Variants in OR14J1 observed in about 807,000 individuals in gnomAD.
OR14J1 encodes the protein olfactory receptor 14J1.
For synonymous variants in OR14J1, 140 were observed against 146.7 expected (o/e 0.95, Z 0.33); for missense variants, 378 against 393.4 (o/e 0.96, Z 0.33).
rs565154606 is a variant in OR14J1, at chr6:29,306,468, G to C, written c.-28-194G>C. On this transcript the variant is annotated intron_variant, in intron 1 of 1. Coordinates refer to ENST00000641895, the MANE Select transcript of OR14J1 (RefSeq NM_030946.2). ...AAACTCTGCTCCAGAAAATGTTTAT[G>C]ACTTGTTGATCACATTCAGGGATTC... Among the ~76,000 whole-genome samples the C allele has an allele frequency of 5.9e-3, 906 of 152,298 alleles. 4 individuals carry two copies. The highest frequency in any genetic ancestry group is 0.015 in the African/African-American group (611 of 41,570).
chr6:29,303,026 C>T (rs768449316), intron 1 of OR14J1, among the ~76,000 whole-genome samples: 3 of 140,168 alleles, frequency 2.1e-5, no homozygotes, highest in Non-Finnish European at 4.7e-5. Context: ...GAGATGAGTC[C>T]TTATGGGAAA....
In OR14J1 at chr6:29,306,938, A is replaced by G; in HGVS notation, c.249A>G (p.Ser83=). 6.2e-7 allele frequency: 1 copy of G among 1,613,002 alleles called. No individual in the cohort carries two copies. The highest frequency in any genetic ancestry group is 1.1e-5 in the South Asian group (1 of 91,078). The stretch of plus-strand genomic sequence containing the variant: ...CAGTCCCCCAGTCCATTGCAAATTC[A>G]CTTATGGGCAACGGTTACATTTCTC... ...SVTVPQSIAN[S]LMGNGYISLV... is the part of the protein sequence containing the mutation. The change falls in exon 2 of 2, where the codon TCA becomes TCG. Residue 83 remains serine, a synonymous_variant. Coordinates refer to ENST00000641895, the MANE Select transcript of OR14J1 (RefSeq NM_030946.2).
Position 29,307,629 on chromosome 6 carries a change from T to G in OR14J1, c.940T>G (p.Cys314Gly). The G allele has an allele frequency of 6.3e-7, 1 of 1,599,866 alleles. No homozygotes were observed. The highest frequency in any genetic ancestry group is 8.5e-7 in the Non-Finnish European group (1 of 1,177,370). The change falls in exon 2 of 2, where the codon TGC (cysteine) becomes GGC (glycine). Residue 314 changes from cysteine (C) to glycine (G), a missense_variant. Physicochemically the swap from Cys to Gly is radical, Grantham distance 159 (BLOSUM62 -3). Coordinates refer to ENST00000641895, the MANE Select transcript of OR14J1 (RefSeq NM_030946.2). ...GGAAGAGCTTCCTCAGAGAAAAATG[T>G]GCTTAAAAGCCATGTTTAAACTCTG... ...SKEELPQRKM[C>G]LKAMFKL is the part of the protein sequence containing the mutation.
intron 1 of OR14J1, among the ~76,000 whole-genome samples, chr6:29,303,198 A>G (rs372422140): frequency 1.3e-5 from 2 of 152,254 alleles, no homozygotes; most frequent in South Asian, 2.1e-4. Context: ...TAAAAGGCAC[A>G]GGAATATTTT....
Position 29,312,198 on chromosome 6 carries a change from T to C in OR14J1, c.*4543T>C, listed in dbSNP as rs1052098563. 8 of 152,260 alleles carry C rather than the reference T, an allele frequency of 5.3e-5. No homozygotes were observed. The highest frequency in any genetic ancestry group is 1.9e-4 in the African/African-American group (8 of 41,444). 9.4% of individuals were successfully genotyped at this position (152,260 alleles called of 1,614,324 possible). The stretch of plus-strand genomic sequence containing the variant: ...TTCTCTAGTTGTTTTAATTGCGATA[T>C]TAGAGTGTCGATTTTAGATCTTTCC... On this transcript the variant is annotated 3_prime_UTR_variant, in exon 2 of 2. Transcript: ENST00000641895.
Position 29,307,046 on chromosome 6 carries a change from C to A in OR14J1, c.357C>A (p.Asp119Glu), listed in dbSNP as rs761681655. 1.2e-6 allele frequency: 2 copies of A among 1,613,054 alleles called. No homozygotes were observed. The highest frequency in any genetic ancestry group is 1.7e-6 in the Non-Finnish European group (2 of 1,180,006). The change falls in exon 2 of 2, where the codon GAC becomes GAA. Residue 119 changes from aspartate to glutamate, a missense_variant. By Grantham distance (45) the Asp-to-Glu change is conservative. Transcript: ENST00000641895. ...EVAILTVMSYDRYAAICQPLH... is the reference protein window; with the variant it reads ...EVAILTVMSYERYAAICQPLH... ...CCATTCTCACAGTGATGTCTTATGA[C>A]AGGTACGCAGCAATCTGTCAACCAC...
rs1305258991 is a variant in OR14J1, at chr6:29,306,688, C to T, written c.-2C>T. The T allele has an allele frequency of 6.3e-7, 1 of 1,598,868 alleles. No homozygotes were observed. Among genetic ancestry groups the T allele is most frequent in the East Asian group, 2.2e-5 (1 of 44,824 alleles). The stretch of plus-strand genomic sequence containing the variant: ...GTCACACTTGGTATCTTCAGAGAGA[C>T]TATGGTCAATTTGACTTCAATGAGT... On this transcript the variant is annotated 5_prime_UTR_variant, in exon 2 of 2. Coordinates refer to ENST00000641895, the MANE Select transcript of OR14J1 (RefSeq NM_030946.2).
At position 29,311,878 on chromosome 6, in the gene OR14J1, A is replaced by G. The variant is rs1775539385; in HGVS notation, c.*4223A>G. 1 of 151,708 alleles carries G rather than the reference A, an allele frequency of 6.6e-6. No homozygotes were observed. The highest frequency in any genetic ancestry group is 1.5e-5 in the Non-Finnish European group (1 of 67,948). 9.4% of individuals were successfully genotyped at this position (151,708 alleles called of 1,614,324 possible). A position where few individuals can be genotyped will look rare whatever the true frequency, so the allele number is the denominator to read the frequency against. On this transcript the variant is annotated 3_prime_UTR_variant, in exon 2 of 2. Coordinates refer to ENST00000641895, the MANE Select transcript of OR14J1 (RefSeq NM_030946.2). ...CCAGGCATTTATCCATTTTTTCTAG[A>G]TTTTCTAGTTTATTTGCATAGAGAT...
At position 29,306,804 on chromosome 6, in the gene OR14J1, G is replaced by C. The variant is rs750087103; in HGVS notation, c.115G>C (p.Gly39Arg). 13 of 1,613,026 alleles carry C rather than the reference G, an allele frequency of 8.1e-6. No individual in the cohort carries two copies. The highest frequency in any genetic ancestry group is 1.1e-5 in the Non-Finnish European group (13 of 1,180,004). The change falls in exon 2 of 2, where the codon GGC becomes CGC. Residue 39 changes from glycine to arginine, a missense_variant. Coordinates refer to ENST00000641895, the MANE Select transcript of OR14J1 (RefSeq NM_030946.2). Reference sequence around the variant, plus strand: ...GGTGACATACCTGCTGGCCTTGACAGGCAACCTCCTCATTATCACCATCAT... The same window carrying C: ...GGTGACATACCTGCTGGCCTTGACACGCAACCTCCTCATTATCACCATCAT... ...FLVTYLLALT[G>R]NLLIITIITV...
Position 29,307,709 on chromosome 6 carries a change from G to A in OR14J1, c.*54G>A, listed in dbSNP as rs1775216367. ...TTATGTTTCAGATTGGAAGAGAGGT[G>A]AATCTTATTTCTACCCAGAATGCTC... On this transcript the variant is annotated 3_prime_UTR_variant, in exon 2 of 2. Transcript: ENST00000641895. 1 of 1,050,586 alleles carries A rather than the reference G, an allele frequency of 9.5e-7. No individual in the cohort carries two copies. Among genetic ancestry groups the A allele is most frequent in the Non-Finnish European group, 1.4e-6 (1 of 717,508 alleles). The allele number at this position is 1,050,586 out of a possible 1,614,324, so 65.1% of individuals were successfully genotyped here. A position where few individuals can be genotyped will look rare whatever the true frequency, so the allele number is the denominator to read the frequency against.
intron 1 of OR14J1, among the ~76,000 whole-genome samples, chr6:29,303,546 G>T (rs1015652509): frequency 6.6e-6 from 1 of 152,228 alleles, no homozygotes; most frequent in Non-Finnish European, 1.5e-5. Context: ...TTCAAGAATT[G>T]AACCAAATGT....
At position 29,307,422 on chromosome 6, in the gene OR14J1, G is replaced by A. The variant is rs770675072; in HGVS notation, c.733G>A (p.Val245Ile). 1 of 1,613,058 alleles carries A rather than the reference G, an allele frequency of 6.2e-7. No individual in the cohort carries two copies. The highest frequency in any genetic ancestry group is 2.2e-5 in the East Asian group (1 of 44,886). ...VFSTCLPHLF[V>I]ATFFLSAAGF... is the part of the protein sequence containing the mutation. ...CTCCACCTGCCTACCACACCTATTT[G>A]TAGCCACCTTCTTTCTTTCAGCTGC... Residue 245 changes from valine (V) to isoleucine (I), a missense_variant, in exon 2 of 2, where the codon GTA becomes ATA. Val to Ile is a conservative substitution (Grantham distance 29). Coordinates refer to ENST00000641895, the MANE Select transcript of OR14J1 (RefSeq NM_030946.2).
chr6:29,303,617 A>G (rs1372865352), intron 1 of OR14J1, among the ~76,000 whole-genome samples: 1 of 152,198 alleles, frequency 6.6e-6, no homozygotes, highest in Non-Finnish European at 1.5e-5. Flanking sequence ...GAGAAGGGAC[A>G]TTATAAGTAA....
intron 1 of OR14J1, among the ~76,000 whole-genome samples, chr6:29,302,950 C>T (rs1774813784): frequency 6.6e-6 from 1 of 152,162 alleles, no homozygotes; most frequent in Non-Finnish European, 1.5e-5. Context: ...ATTGGATATA[C>T]AGATTAAAGC....
chr6:29,302,774 T>G (rs945161377), intron 1 of OR14J1, among the ~76,000 whole-genome samples: 9 of 152,232 alleles, frequency 5.9e-5, no homozygotes, highest in African/African-American at 2.2e-4. Flanking sequence ...AGATGTGATC[T>G]GCATCACCAT....
intron 1 of OR14J1, among the ~76,000 whole-genome samples, chr6:29,303,734 C>CT (rs572702958): frequency 6.8e-6 from 1 of 147,504 alleles, no homozygotes. Context: ...ATCTATCTAT[C>CT]ATCTATCTAT....
chr6:29,304,994 C>G (rs1774982207), intron 1 of OR14J1, among the ~76,000 whole-genome samples: 1 of 152,102 alleles, frequency 6.6e-6, no homozygotes, highest in African/African-American at 2.4e-5. Flanking sequence ...GCAAGTTAAG[C>G]CAGGCATTAA....
In OR14J1 at chr6:29,310,639, A is replaced by C. The variant is rs1269781885; in HGVS notation, c.*2984A>C. Reference sequence around the variant, plus strand: ...ATGAAATTTAAAGTAGTTTTTTCCTATTCTGTGAAGAAAGTCAATGGTAAC... The same window carrying C: ...ATGAAATTTAAAGTAGTTTTTTCCTCTTCTGTGAAGAAAGTCAATGGTAAC... On this transcript the variant is annotated 3_prime_UTR_variant, in exon 2 of 2. Coordinates refer to ENST00000641895, the MANE Select transcript of OR14J1 (RefSeq NM_030946.2). 6.6e-6 allele frequency: 1 copy of C among 152,148 alleles called. No individual in the cohort carries two copies. The highest frequency in any genetic ancestry group is 2.4e-5 in the African/African-American group (1 of 41,442). 9.4% of individuals were successfully genotyped at this position (152,148 alleles called of 1,614,324 possible). A position where few individuals can be genotyped will look rare whatever the true frequency, so the allele number is the denominator to read the frequency against.
In OR14J1 at chr6:29,307,108, G is replaced by C; in HGVS notation, c.419G>C (p.Arg140Thr). The change falls in exon 2 of 2, where the codon AGG (arginine) becomes ACG (threonine). Residue 140 changes from arginine (R) to threonine (T), a missense_variant. Coordinates refer to ENST00000641895, the MANE Select transcript of OR14J1 (RefSeq NM_030946.2). ...YETIMDPRAC[R>T]HAVIAVWIAG... The stretch of plus-strand genomic sequence containing the variant: ...ACTATTATGGATCCCCGTGCCTGTA[G>C]GCATGCAGTGATAGCTGTGTGGATT... The C allele has an allele frequency of 6.2e-7, 1 of 1,612,894 alleles. No homozygotes were observed. Among genetic ancestry groups the C allele is most frequent in the Non-Finnish European group, 8.5e-7 (1 of 1,180,012 alleles).
Sources: allele counts gnomAD v4.1 joint callset (sites outside exome capture counted in the v4.1 genomes callset), GRCh38; gene constraint gnomAD v4.1.1; transcripts MANE v1.5; gene names NCBI Gene and HGNC (gene_info 2026-07-23, HGNC 2026-07-21).